The following KBTBD2 variants were observed in gnomAD, a reference collection of about 807,000 sequenced individuals.
KBTBD2 encodes the protein kelch repeat and BTB domain-containing protein 2.
In KBTBD2, 17 loss-of-function variants were observed where a neutral mutation model predicts 57.1. The ratio of observed to expected loss-of-function variants is 0.30; its 90% CI spans 0.20 to 0.45. The LOEUF (loss-of-function observed/expected upper bound fraction) is 0.45. KBTBD2 is among the 20% of genes least tolerant of loss of function. The pLI, the probability that KBTBD2 is intolerant of heterozygous loss-of-function variation, is 1.00. For missense variants in KBTBD2, 515 were observed against 750.6 expected, an observed-to-expected ratio of 0.69 and a Z score of 3.67; for synonymous variants, 267 against 262.7, an observed-to-expected ratio of 1.02 and a Z score of -0.16.
At chr7:32,876,589 C>T (rs980709102) in intron 2 of KBTBD2, among the ~76,000 whole-genome samples, 2 of 152,144 alleles carry the variant, frequency 1.3e-5, no homozygotes, top group Non-Finnish European at 2.9e-5. Context: ...GACAGGAAAA[C>T]TGGCTATCAG....
At chr7:32,878,248 G>A (rs1784361996) in intron 2 of KBTBD2, among the ~76,000 whole-genome samples, 1 of 152,048 alleles carries the variant, frequency 6.6e-6, no homozygotes, top group Admixed American at 6.6e-5. Flanking sequence ...GCCCTGAAAG[G>A]TCAAATGAAA....
chr7:32,888,340 C>G (rs1348398407), intron 1 of KBTBD2, among the ~76,000 whole-genome samples: 1 of 152,022 alleles, frequency 6.6e-6, no homozygotes, highest in Non-Finnish European at 1.5e-5. Context: ...CAGAAAGGCA[C>G]CAGTCATAAA....
chr7:32,878,767 C>T (rs1784377888), intron 2 of KBTBD2, among the ~76,000 whole-genome samples: 1 of 152,192 alleles, frequency 6.6e-6, no homozygotes, highest in Non-Finnish European at 1.5e-5. Flanking sequence ...AGCAATCCAT[C>T]TATGCCTTGG....
chr7:32,878,655 T>C (rs1214867151), intron 2 of KBTBD2, among the ~76,000 whole-genome samples: 2 of 152,096 alleles, frequency 1.3e-5, no homozygotes, highest in African/African-American at 2.4e-5. Flanking sequence ...TGTCTGTTAA[T>C]ATTTGTAGTA....
rs1784094457 is a variant in KBTBD2 at position 32,868,933 on chromosome 7, A to T, written c.*412T>A. 6.3e-6 allele frequency: 1 copy of T among 159,318 alleles called. No individual in the cohort carries two copies. The highest frequency in any genetic ancestry group is 1.8e-4 in the South Asian group (1 of 5,616). The allele number at this position is 159,318 out of a possible 1,614,324, so 9.9% of individuals were successfully genotyped here. On this transcript the variant is annotated 3_prime_UTR_variant, in exon 4 of 4. Transcript: ENST00000304056. Reference sequence around the variant, plus strand: ...TTGAATTAATTACACTGAAAACTGTATTCCAGGACTTCAGAACAGAAGCAC... The same window carrying T: ...TTGAATTAATTACACTGAAAACTGTTTTCCAGGACTTCAGAACAGAAGCAC...
chr7:32,891,727 C>T lies in KBTBD2; in HGVS notation c.-530G>A, dbSNP rs1784753416. The T allele has an allele frequency of 1.3e-5, 2 of 152,062 alleles. No individual in the cohort carries two copies. Among genetic ancestry groups the T allele is most frequent in the South Asian group, 4.0e-4 (2 of 5,040 alleles). 9.4% of individuals were successfully genotyped at this position (152,062 alleles called of 1,614,324 possible). A position where few individuals can be genotyped will look rare whatever the true frequency, so the allele number is the denominator to read the frequency against. On this transcript the variant is annotated 5_prime_UTR_variant, in exon 1 of 4. Transcript: ENST00000304056. ...CGGTTTCCCCTCGCACCCTCCCTCG[C>T]TTGGTCCGTCCAGCGCGGAAAGCAG...
rs1346280099 is a variant in KBTBD2 at position 32,869,845 on chromosome 7, T to C, written c.1372A>G (p.Ser458Gly). 3 of 1,613,730 alleles carry C rather than the reference T, an allele frequency of 1.9e-6. No individual in the cohort carries two copies. In the South Asian group the frequency reaches 3.3e-5, roughly 18 times the overall value. ...SWVEMAMRQTSRSFASAAAFG... is the reference protein window; with the variant it reads ...SWVEMAMRQTGRSFASAAAFG... Reference sequence around the variant, plus strand: ...GCTGCAGCTGAAGCAAAGGACCTACTAGTCTGTCTCATGGCCATTTCTACC... The same window carrying C: ...GCTGCAGCTGAAGCAAAGGACCTACCAGTCTGTCTCATGGCCATTTCTACC... The change falls in exon 4 of 4, where the codon AGT (serine) becomes GGT (glycine). Residue 458 changes from serine (S) to glycine (G), a missense_variant. Transcript: ENST00000304056.
chr7:32,883,496 A>C (rs1484418521), intron 1 of KBTBD2, among the ~76,000 whole-genome samples: 1 of 152,232 alleles, frequency 6.6e-6, no homozygotes, highest in African/African-American at 2.4e-5. Context: ...CTTCCCTCCT[A>C]AAACTTGAAA....
intron 1 of KBTBD2, among the ~76,000 whole-genome samples, chr7:32,887,206 GAAGA>G (rs1190366290): frequency 2.0e-5 from 3 of 152,158 alleles, no homozygotes; most frequent in African/African-American, 7.2e-5. Context: ...GATGAAAAAG[GAAGA>G]AAGGATAAAA....
Position 32,870,329 on chromosome 7 carries a change from G to A in KBTBD2, c.888C>T (p.Tyr296=). The change falls in exon 4 of 4, where the codon TAC becomes TAT. Residue 296 remains tyrosine, a synonymous_variant. Transcript: ENST00000304056. ...VCYSPQAEKV[Y]KLCSPPADLH... is the part of the protein sequence containing the mutation. ...AATCAGCTGGTGGGCTACATAACTT[G>A]TAAACTTTTTCTGCTTGGGGGCTGT... The A allele has an allele frequency of 6.2e-7, 1 of 1,613,800 alleles. No individual in the cohort carries two copies. The highest frequency in any genetic ancestry group is 1.7e-5 in the Admixed American group (1 of 59,978).
In KBTBD2 at chr7:32,875,026, A is replaced by G; in HGVS notation, c.302T>C (p.Val101Ala). The change falls in exon 3 of 4, where the codon GTA (valine) becomes GCA (alanine). Residue 101 changes from valine (V) to alanine (A), a missense_variant. Val to Ala is a moderately conservative substitution (Grantham distance 64, BLOSUM62 0). Transcript: ENST00000304056. Reference protein sequence around the residue: ...TGNLAMNDSTVEQLYETACFL... With the variant: ...TGNLAMNDSTAEQLYETACFL... ...GCAAGCTGTTTCATAAAGCTGTTCT[A>G]CAGTGCTGTCATTCATTGCCAAGTT... The G allele has an allele frequency of 6.2e-7, 1 of 1,614,174 alleles. No individual in the cohort carries two copies. Among genetic ancestry groups the G allele is most frequent in the South Asian group, 1.1e-5 (1 of 91,086 alleles).
At chr7:32,875,816 C>T (rs1362299759) in intron 2 of KBTBD2, among the ~76,000 whole-genome samples, 2 of 151,822 alleles carry the variant, frequency 1.3e-5, no homozygotes, top group South Asian at 2.1e-4. Flanking sequence ...TATATGAGTC[C>T]GTTTATATAA....
At chr7:32,883,400 TAA>T (rs1380989236) in intron 1 of KBTBD2, among the ~76,000 whole-genome samples, 3 of 151,992 alleles carry the variant, frequency 2.0e-5, no homozygotes, top group African/African-American at 7.2e-5. Flanking sequence ...AAAATAAAAA[TAA>T]AAATGTGAAA....
chr7:32,872,650 G>C (rs940610420), intron 3 of KBTBD2, among the ~76,000 whole-genome samples: 20 of 152,258 alleles, frequency 1.3e-4, no homozygotes, highest in African/African-American at 4.8e-4. Flanking sequence ...GCTGCAGCCT[G>C]GACAACAGAG....
chr7:32,881,893 C>T (rs1784452534), intron 1 of KBTBD2, among the ~76,000 whole-genome samples: 1 of 152,126 alleles, frequency 6.6e-6, no homozygotes, highest in African/African-American at 2.4e-5. Context: ...TACACTTTTC[C>T]AGATTTTATA....
At chr7:32,883,545 T>TAC (rs1445450383) in intron 1 of KBTBD2, among the ~76,000 whole-genome samples, 1 of 135,830 alleles carries the variant, frequency 7.4e-6, no homozygotes, top group Non-Finnish European at 1.7e-5. Context: ...CAGTATGTAC[T>TAC]ATATTAATTA....
intron 2 of KBTBD2, among the ~76,000 whole-genome samples, chr7:32,875,805 G>A (rs1181698749): frequency 1.3e-5 from 2 of 152,036 alleles, no homozygotes; most frequent in Non-Finnish European, 2.9e-5. Flanking sequence ...AAACCACATA[G>A]TATATGAGTC....
Position 32,869,544 on chromosome 7 carries a change from A to C in KBTBD2, c.1673T>G (p.Leu558Arg), listed in dbSNP as rs1303211453. Residue 558 changes from leucine to arginine, a missense_variant, in exon 4 of 4, where the codon CTT becomes CGT. Coordinates refer to ENST00000304056, the MANE Select transcript of KBTBD2 (RefSeq NM_015483.3). Reference protein sequence around the residue: ...KYVTYQYDLELDRWSLRQHIS... With the variant: ...KYVTYQYDLERDRWSLRQHIS... Reference sequence around the variant, plus strand: ...ATGCTGCCGCAGAGACCACCGGTCAAGTTCCAGGTCATATTGGTAGGTGAC... The same window carrying C: ...ATGCTGCCGCAGAGACCACCGGTCACGTTCCAGGTCATATTGGTAGGTGAC... 2.5e-6 allele frequency: 4 copies of C among 1,614,214 alleles called. No homozygotes were observed. The highest frequency in any genetic ancestry group is 4.5e-5 in the East Asian group (2 of 44,882).
chr7:32,880,030 ATATT>A (rs1784409158), intron 1 of KBTBD2, 88 bp from the exon 2 acceptor site: 1 of 152,918 alleles, frequency 6.5e-6, no homozygotes, highest in African/African-American at 2.4e-5. Flanking sequence ...AATAGAAATC[ATATT>A]TATTTCAAGT....
Sources: gnomAD v4.1 joint callset for allele counts (sites outside exome capture counted in the v4.1 genomes callset) on GRCh38, gnomAD v4.1.1 for gene constraint, MANE v1.5 for transcripts, NCBI Gene and HGNC (gene_info 2026-07-23, HGNC 2026-07-21) for gene names.